The following WDR27 variants were observed in gnomAD, a reference collection of about 807,000 sequenced individuals.
WDR27 encodes WD repeat domain 27, also known as WD repeat-containing protein 27.
Under a neutral mutation model 114.4 loss-of-function variants are expected in WDR27, and 100 were observed. The observed-to-expected ratio is 0.87, with a 90% CI of 0.74 to 1.03. The LOEUF (loss-of-function observed/expected upper bound fraction) is 1.03. Ranked by LOEUF, WDR27 falls within the 50% of genes least tolerant of loss-of-function variation. The pLI, the probability that WDR27 is intolerant of heterozygous loss-of-function variation, is 0.00. For missense variants in WDR27, 1,129 were observed against 1,092.9 expected (o/e 1.03, Z -0.47); for synonymous variants, 449 against 423.1 (o/e 1.06, Z -0.75).
chr6:169,556,376 G>C (rs766774154), intron 25 of WDR27, among the ~76,000 whole-genome samples: 3 of 152,204 alleles, frequency 2.0e-5, no homozygotes, highest in Admixed American at 6.5e-5. Context: ...CCTGGGCAGA[G>C]GACCCAGCTC....
intron 23 of WDR27, among the ~76,000 whole-genome samples, chr6:169,589,679 G>C (rs960076934): frequency 6.6e-6 from 1 of 152,200 alleles, no homozygotes; most frequent in African/African-American, 2.4e-5. Flanking sequence ...TATTTTAGTA[G>C]ATAGGCAGGT....
chr6:169,588,657 C>T (rs1254044713), intron 23 of WDR27, among the ~76,000 whole-genome samples: 2 of 152,182 alleles, frequency 1.3e-5, no homozygotes, highest in Non-Finnish European at 2.9e-5. Flanking sequence ...TATTCCCGTG[C>T]AGTTGCTGCT....
intron 25 of WDR27, among the ~76,000 whole-genome samples, chr6:169,461,676 A>G (rs1467138890): frequency 6.6e-6 from 1 of 151,804 alleles, no homozygotes; most frequent in Admixed American, 6.6e-5. Flanking sequence ...GAAGAGCCAA[A>G]TCAGCAACCT....
chr6:169,472,724 C>T (rs1390045091), intron 25 of WDR27, among the ~76,000 whole-genome samples: 1 of 152,044 alleles, frequency 6.6e-6, no homozygotes, highest in Non-Finnish European at 1.5e-5. Context: ...CAGGTTTTGG[C>T]CTGTGTGAGC....
At chr6:169,660,379 G>A (rs1825736128) in intron 10 of WDR27, among the ~76,000 whole-genome samples, 1 of 152,162 alleles carries the variant, frequency 6.6e-6, no homozygotes, top group South Asian at 2.1e-4. Flanking sequence ...TCCTGCAGGT[G>A]TTCCACGCTG....
chr6:169,459,252 A>G (rs910667006), intron 25 of WDR27, among the ~76,000 whole-genome samples: 8 of 152,194 alleles, frequency 5.3e-5, no homozygotes, highest in Non-Finnish European at 1.5e-5. Flanking sequence ...GGAAATATCA[A>G]TAAAAAGAGA....
At chr6:169,517,014 T>C (rs1013885008) in intron 25 of WDR27, among the ~76,000 whole-genome samples, 4 of 152,108 alleles carry the variant, frequency 2.6e-5, no homozygotes, top group Non-Finnish European at 4.4e-5. Context: ...GGTAGAATGA[T>C]GTAGTTTGGA....
At position 169,541,132 on chromosome 6, in the gene WDR27, G is replaced by GA. The variant is rs200558026; in HGVS notation, c.2645+31286dup. ...AATAAGGACCATTAAGGAAAGGCAAGAAAAAAAAAAACCCTAAAATAGAAA... is the reference window on the plus strand; with the variant it reads ...AATAAGGACCATTAAGGAAAGGCAAGAAAAAAAAAAAACCCTAAAATAGAAA... On this transcript the variant is annotated intron_variant, in intron 25 of 25. Transcript: ENST00000448612. Among the ~76,000 whole-genome samples, 1,207 of 136,540 alleles carry GA rather than the reference G, an allele frequency of 8.8e-3. 15 individuals carry two copies. Among genetic ancestry groups the GA allele is most frequent in the East Asian group, 0.032 (162 of 5,002 alleles). The allele number at this position is 136,540 out of a possible 152,430, so 89.6% of individuals were successfully genotyped here.
chr6:169,690,687 G>C (rs554733342), intron 1 of WDR27, among the ~76,000 whole-genome samples: 40 of 152,310 alleles, frequency 2.6e-4, no homozygotes, highest in African/African-American at 9.1e-4. Flanking sequence ...GACAGGAATT[G>C]CATAGAAAGA....
At chr6:169,549,235 C>T (rs1430299681) in intron 25 of WDR27, among the ~76,000 whole-genome samples, 2 of 152,168 alleles carry the variant, frequency 1.3e-5, no homozygotes, top group African/African-American at 2.4e-5. Flanking sequence ...AGATGCCTCA[C>T]CAAAGAGGGA....
At chr6:169,657,882 C>G (rs536544900) in intron 13 of WDR27, 45 of 170,246 alleles carry the variant, frequency 2.6e-4, no homozygotes, top group African/African-American at 1.0e-3. Context: ...AATGCACACT[C>G]AAGTGTGCAG....
intron 25 of WDR27, among the ~76,000 whole-genome samples, chr6:169,563,944 T>C (rs751825365): frequency 1.3e-5 from 2 of 152,102 alleles, no homozygotes; most frequent in Non-Finnish European, 2.9e-5. Context: ...ACAGGACTCA[T>C]AGGATAGATG....
chr6:169,614,084 G>A (rs373164440), intron 21 of WDR27, among the ~76,000 whole-genome samples: 27 of 152,276 alleles, frequency 1.8e-4, no homozygotes, highest in East Asian at 7.7e-4. Context: ...AGGCTCCTGC[G>A]ATGACTATGT....
chr6:169,634,547 A>T (rs1180182187), intron 19 of WDR27, 22 bp from the exon 20 acceptor site: 2 of 1,566,656 alleles, frequency 1.3e-6, no homozygotes, highest in South Asian at 2.3e-5. Context: ...AATCAAGATG[A>T]TCAATATTTT....
At chr6:169,454,900 C>T (rs1784290145), downstream of WDR27, among the ~76,000 whole-genome samples, 1 of 152,256 alleles carries the variant, frequency 6.6e-6, no homozygotes, top group African/African-American at 2.4e-5. Context: ...GTGTGCCCAG[C>T]CGTGGGCTCC....
chr6:169,492,785 CA>C (rs985979070), intron 25 of WDR27, among the ~76,000 whole-genome samples: 9 of 152,128 alleles, frequency 5.9e-5, no homozygotes, highest in Middle Eastern at 3.4e-3. Context: ...CTCTAATTGA[CA>C]ACAGCAATAA....
rs551572563 is a variant in WDR27, at chr6:169,612,311, C to T, written c.2321+1248G>A. Among the ~76,000 whole-genome samples the T allele has an allele frequency of 5.9e-5, 9 of 151,548 alleles. No individual in the cohort carries two copies. In the South Asian group the frequency reaches 8.3e-4, roughly 14 times the overall value. On this transcript the variant is annotated intron_variant, in intron 22 of 25. Coordinates refer to ENST00000448612, the MANE Select transcript of WDR27 (RefSeq NM_182552.5). ...GCGGGCACCTGTAATCCCAGCTACT[C>T]GGAGAGGCTGAGGCAGGAGAATGGC...
chr6:169,553,391 T>A (rs1262424909), intron 25 of WDR27, among the ~76,000 whole-genome samples: 1 of 152,166 alleles, frequency 6.6e-6, no homozygotes, highest in Non-Finnish European at 1.5e-5. Flanking sequence ...TATAAAATAT[T>A]CTCTGCCAAA....
chr6:169,430,405 A>G, the WDR27 span, among the ~76,000 whole-genome samples: 73,060 of 152,088 alleles, frequency 0.48, 19,260 homozygotes, highest in Non-Finnish European at 0.6. Flanking sequence ...AAAGAAAGGA[A>G]GGAGTCAGAA....
Sources: allele counts gnomAD v4.1 joint callset (sites outside exome capture counted in the v4.1 genomes callset), GRCh38; gene constraint gnomAD v4.1.1; transcripts MANE v1.5; gene names NCBI Gene and HGNC (gene_info 2026-07-23, HGNC 2026-07-21).